NUBPL: variants seen among roughly 807,000 people sequenced by gnomAD.
The protein encoded by NUBPL is NUBP iron-sulfur cluster assembly factor, mitochondrial, also known as iron-sulfur cluster transfer protein NUBPL.
A neutral mutation model predicts 45.7 loss-of-function variants in NUBPL; 31 were observed. The ratio of observed to expected loss-of-function variants is 0.68; its 90% CI spans 0.51 to 0.92. The LOEUF (loss-of-function observed/expected upper bound fraction) is 0.92. Ranked by LOEUF, NUBPL falls within the 40% of genes least tolerant of loss-of-function variation. NUBPL has a pLI of 0.00. For synonymous variants in NUBPL, 144 were observed against 140.9 expected (o/e 1.02, Z -0.15); for missense variants, 401 against 398.7 (o/e 1.01, Z -0.05).
intron 10 of NUBPL, among the ~76,000 whole-genome samples, chr14:31,853,166 G>A (rs73259069): frequency 0.26 from 39,872 of 151,914 alleles, 7,931 homozygotes; most frequent in African/African-American, 0.56. Flanking sequence ...GCAGTGGCAC[G>A]ATCTCATCCT....
At chr14:31,607,426 T>G (rs911112795) in intron 4 of NUBPL, among the ~76,000 whole-genome samples, 2 of 150,744 alleles carry the variant, frequency 1.3e-5, no homozygotes, top group African/African-American at 2.4e-5. Flanking sequence ...AGTCCCGGTA[T>G]GTGACCTTTC....
chr14:31,783,906 G>A (rs765547379), intron 6 of NUBPL, among the ~76,000 whole-genome samples: 4 of 152,176 alleles, frequency 2.6e-5, no homozygotes, highest in Non-Finnish European at 5.9e-5. Context: ...TAAATTATTG[G>A]CACCAGTCAT....
At chr14:31,594,325 C>A (rs974751783) in intron 3 of NUBPL, among the ~76,000 whole-genome samples, 6 of 152,096 alleles carry the variant, frequency 3.9e-5, no homozygotes, top group Non-Finnish European at 7.4e-5. Flanking sequence ...GACACTGAGG[C>A]GGGAGGATTG....
chr14:31,819,808 T>G lies in NUBPL; in HGVS notation c.608-6821T>G, dbSNP rs538424103. 2.0e-5 allele frequency among the ~76,000 whole-genome samples: 3 copies of G among 152,268 alleles called. No homozygotes were observed. In the East Asian group the frequency reaches 5.8e-4, roughly 29 times the overall value. ...GTGAATTAGCATTTAAACAATATTT[T>G]TAATCGTTTAGACTTAGACATTTAC... On this transcript the variant is annotated intron_variant, in intron 7 of 10. Transcript: ENST00000281081.
At chr14:31,647,542 G>C (rs192704797) in intron 4 of NUBPL, among the ~76,000 whole-genome samples, 3 of 152,142 alleles carry the variant, frequency 2.0e-5, no homozygotes, top group African/African-American at 7.2e-5. Context: ...GCTGGCTAGG[G>C]GTTTGTGCAC....
chr14:31,712,439 G>A (rs959827010), intron 6 of NUBPL, among the ~76,000 whole-genome samples: 1 of 152,218 alleles, frequency 6.6e-6, no homozygotes, highest in African/African-American at 2.4e-5. Flanking sequence ...TGCGGGGCCT[G>A]TGGAGCCGTG....
At chr14:31,680,692 T>C (rs1276620706) in intron 6 of NUBPL, among the ~76,000 whole-genome samples, 1 of 151,868 alleles carries the variant, frequency 6.6e-6, no homozygotes, top group East Asian at 1.9e-4. Context: ...GTGGTGAATG[T>C]GGTATTCGCA....
At chr14:31,653,385 G>T (rs972091863) in intron 4 of NUBPL, among the ~76,000 whole-genome samples, 4 of 152,132 alleles carry the variant, frequency 2.6e-5, no homozygotes, top group African/African-American at 4.8e-5. Context: ...TCCCAGAGCA[G>T]CCGTTTATAG....
intron 6 of NUBPL, among the ~76,000 whole-genome samples, chr14:31,701,156 C>CT (rs1009440269): frequency 2.6e-4 from 39 of 152,054 alleles, no homozygotes; most frequent in Admixed American, 1.0e-3. Context: ...ACTTGGAGAA[C>CT]TTTTATGTCT....
chr14:31,746,345 C>T (rs887859272), intron 6 of NUBPL, among the ~76,000 whole-genome samples: 3 of 151,854 alleles, frequency 2.0e-5, no homozygotes, highest in South Asian at 2.1e-4. Flanking sequence ...TTGCCTTTAT[C>T]GTGTTTAGAT....
intron 7 of NUBPL, among the ~76,000 whole-genome samples, chr14:31,804,413 C>A (rs1008466223): frequency 6.6e-6 from 1 of 152,100 alleles, no homozygotes; most frequent in East Asian, 1.9e-4. Context: ...TTAAAAGCTT[C>A]CCCAGATGAT....
At chr14:31,711,792 C>T (rs538663792) in intron 6 of NUBPL, among the ~76,000 whole-genome samples, 90 of 151,830 alleles carry the variant, frequency 5.9e-4, no homozygotes, top group African/African-American at 2.0e-3. Flanking sequence ...TCATTCCTTC[C>T]GGTGGGTTCA....
intron 1 of NUBPL, 119 bp downstream of exon 1, chr14:31,561,666 G>A: frequency 1.4e-6 from 1 of 689,876 alleles, no homozygotes; most frequent in South Asian, 2.8e-5. Flanking sequence ...CCCCCAGTGT[G>A]CTGGACGTGC....
At chr14:31,758,958 A>C (rs930281754) in intron 6 of NUBPL, among the ~76,000 whole-genome samples, 4 of 152,306 alleles carry the variant, frequency 2.6e-5, no homozygotes, top group East Asian at 1.9e-4. Context: ...ATGAAGACTT[A>C]GGCTTGTTTT....
At chr14:31,680,218 A>G (rs1377183959) in intron 6 of NUBPL, among the ~76,000 whole-genome samples, 1 of 152,068 alleles carries the variant, frequency 6.6e-6, no homozygotes. Flanking sequence ...CATTCCTTAA[A>G]TTTGATTTTC....
At chr14:31,569,205 T>C (rs1566418475) in intron 3 of NUBPL, among the ~76,000 whole-genome samples, 1 of 152,064 alleles carries the variant, frequency 6.6e-6, no homozygotes. Context: ...GTTTTTGTTT[T>C]TGTTTTTGTT....
chr14:31,783,731 T>G (rs1338521021), intron 6 of NUBPL, among the ~76,000 whole-genome samples: 1 of 152,214 alleles, frequency 6.6e-6, no homozygotes, highest in Admixed American at 6.5e-5. Context: ...TTGGCTAGGC[T>G]GGTCTCAAAC....
intron 6 of NUBPL, among the ~76,000 whole-genome samples, chr14:31,688,055 A>G (rs2036995424): frequency 6.6e-6 from 1 of 152,218 alleles, no homozygotes; most frequent in Non-Finnish European, 1.5e-5. Flanking sequence ...CAGGATTGCT[A>G]TAGTAAAGCA....
At position 31,734,007 on chromosome 14, in the gene NUBPL, C is replaced by T. The variant is rs149867140; in HGVS notation, c.514-53773C>T. ...TGAATTTTGTCTAATGATTTTTCTGCATTTGTTGAAGTGATCATCTAGCTT... is the reference window on the plus strand; with the variant it reads ...TGAATTTTGTCTAATGATTTTTCTGTATTTGTTGAAGTGATCATCTAGCTT... On this transcript the variant is annotated intron_variant, in intron 6 of 10. Transcript: ENST00000281081. Among the ~76,000 whole-genome samples the T allele has an allele frequency of 6.6e-5, 10 of 152,196 alleles. 1 individual carries two copies. The East Asian group carries it at 1.9e-3, about 29-fold the overall frequency.
Sources: gnomAD v4.1 joint callset for allele counts (sites outside exome capture counted in the v4.1 genomes callset) on GRCh38, gnomAD v4.1.1 for gene constraint, MANE v1.5 for transcripts, NCBI Gene and HGNC (gene_info 2026-07-23, HGNC 2026-07-21) for gene names.